Variants in FBN3 observed in about 807,000 individuals in gnomAD.
FBN3 encodes fibrillin-3.
Under a neutral mutation model 330.1 loss-of-function variants are expected in FBN3, and 234 were observed. That is an observed-to-expected ratio of 0.71 (90% CI 0.64 to 0.79). The LOEUF (loss-of-function observed/expected upper bound fraction) is 0.79. Among genes scored for constraint, FBN3 ranks in the 30% least tolerant of loss-of-function variants. The pLI is 0.00. For missense variants in FBN3, 3,606 were observed against 3,886.9 expected (o/e 0.93, Z 1.92); for synonymous variants, 1,458 against 1,517.3 (o/e 0.96, Z 0.91).
chr19:8,131,367 C>T lies in FBN3; in HGVS notation c.1991-79G>A. 6.5e-7 allele frequency: 1 copy of T among 1,539,486 alleles called. No individual in the cohort carries two copies. Among genetic ancestry groups the T allele is most frequent in the South Asian group, 1.1e-5 (1 of 87,046 alleles). ...ATTCAGCCACAGGCAAGGATGAGGC[C>T]CTCTGGTCTTGGGCAAGAGTTTGGG... On this transcript the variant is annotated intron_variant, in intron 15 of 63. Transcript: ENST00000600128. This position sits in a 1 kb window ranked among gnomAD's most constrained non-coding sequence, Gnocchi z 4.5.
intron 26 of FBN3, 53 bp downstream of exon 26, chr19:8,118,844 C>T: frequency 6.3e-7 from 1 of 1,577,754 alleles, no homozygotes; most frequent in Non-Finnish European, 8.7e-7. Context: ...CATCCACTCA[C>T]TTTCACACAC....
chr19:8,109,153 G>T lies in FBN3; in HGVS notation c.4618+74C>A. The T allele has an allele frequency of 6.9e-7, 1 of 1,459,348 alleles. No homozygotes were observed. The highest frequency in any genetic ancestry group is 1.9e-5 in the Admixed American group (1 of 52,322). 90.4% of individuals were successfully genotyped at this position (1,459,348 alleles called of 1,614,324 possible). ...CCTAAGCCCCCCACCACCGCCATTAGCAGAGGTGACCCCCTAAGCTCCCGG... is the reference window on the plus strand; with the variant it reads ...CCTAAGCCCCCCACCACCGCCATTATCAGAGGTGACCCCCTAAGCTCCCGG... On this transcript the variant is annotated intron_variant, in intron 36 of 63. Transcript: ENST00000600128. This position sits in a 1 kb window ranked among gnomAD's most constrained non-coding sequence, Gnocchi z 5.2.
chr19:8,126,967 C>T (rs1389765283), intron 18 of FBN3, 135 bp from the exon 19 acceptor site: 1 of 968,560 alleles, frequency 1.0e-6, no homozygotes, highest in Non-Finnish European at 1.5e-6. Context: ...GCAGAGGGCA[C>T]TGGAATCAAA....
At chr19:8,113,052 G>T (rs549382106) in intron 30 of FBN3, among the ~76,000 whole-genome samples, 1 of 152,352 alleles carries the variant, frequency 6.6e-6, no homozygotes, top group African/African-American at 2.4e-5. Context: ...TGGAAACAGG[G>T]TCTTCGTAGA....
chr19:8,089,731 C>T (rs2082050233), intron 50 of FBN3, 61 bp from the exon 51 acceptor site: 7 of 1,600,698 alleles, frequency 4.4e-6, no homozygotes, highest in Admixed American at 1.7e-5. Flanking sequence ...AGAGCCCTGG[C>T]CACACTCAAG....
intron 53 of FBN3, 74 bp from the exon 54 acceptor site, chr19:8,087,285 G>C: frequency 6.8e-7 from 1 of 1,469,464 alleles, no homozygotes; most frequent in East Asian, 2.4e-5. Flanking sequence ...ATTCCACCCT[G>C]CGTCAGCCCT....
chr19:8,124,559 A>G (rs558606814), intron 22 of FBN3, among the ~76,000 whole-genome samples: 43 of 127,390 alleles, frequency 3.4e-4, no homozygotes, highest in African/African-American at 1.2e-3. Context: ...TTTTTTTTAG[A>G]CGGAGTCTTG....
chr19:8,076,712 GCCA>G (rs1568357897), intron 59 of FBN3, among the ~76,000 whole-genome samples: 1 of 151,946 alleles, frequency 6.6e-6, no homozygotes, highest in Non-Finnish European at 1.5e-5. Flanking sequence ...ATTTTAAATG[GCCA>G]CCACATCTTC....
At chr19:8,099,625 G>C (rs1239721692) in intron 41 of FBN3, among the ~76,000 whole-genome samples, 1 of 151,954 alleles carries the variant, frequency 6.6e-6, no homozygotes, top group Non-Finnish European at 1.5e-5. Context: ...ATATTCAGAG[G>C]ATTAAAACAA....
At chr19:8,128,985 C>T (rs571836856) in intron 18 of FBN3, 43 bp downstream of exon 18, 17 of 1,583,174 alleles carry the variant, frequency 1.1e-5, no homozygotes, top group Admixed American at 3.5e-5. Context: ...TATGTTGGAG[C>T]ATATGTGTGT....
intron 36 of FBN3, among the ~76,000 whole-genome samples, chr19:8,108,569 G>A (rs1007546242): frequency 8.5e-5 from 13 of 152,188 alleles, no homozygotes. Context: ...CCATATCCTA[G>A]TGTAACTGCA....
At position 8,065,583 on chromosome 19, in the gene FBN3, G is replaced by A. The variant is rs542668312; in HGVS notation, c.*336C>T. 3.2e-5 allele frequency: 9 copies of A among 279,072 alleles called. No individual in the cohort carries two copies. The highest frequency in any genetic ancestry group is 5.3e-5 in the Non-Finnish European group (8 of 150,342). The allele number at this position is 279,072 out of a possible 1,614,324, so 17.3% of individuals were successfully genotyped here. On this transcript the variant is annotated 3_prime_UTR_variant, in exon 64 of 64. Coordinates refer to ENST00000600128, the MANE Select transcript of FBN3 (RefSeq NM_032447.5). ...ATGTCCTGCCAACCCCCTGCCCCCC[G>A]CCAGGGCAAGCCACAGTGCAGTACA...
rs2081987007 is a variant in FBN3, at chr19:8,087,331, A to G, written c.6620-120T>C. The G allele has an allele frequency of 2.7e-6, 3 of 1,121,976 alleles. 1 individual carries two copies. In the South Asian group the frequency reaches 5.1e-5, roughly 19 times the overall value. 69.5% of individuals were successfully genotyped at this position (1,121,976 alleles called of 1,614,324 possible). On this transcript the variant is annotated intron_variant, in intron 53 of 63. Coordinates refer to ENST00000600128, the MANE Select transcript of FBN3 (RefSeq NM_032447.5). The stretch of plus-strand genomic sequence containing the variant: ...AGTGAGTTCCCTGCAGACCCTGTCA[A>G]ATGTCTATCCCTCTTAGGAAGGGAG...
At chr19:8,093,828 C>G (rs1471672198) in intron 47 of FBN3, among the ~76,000 whole-genome samples, 1 of 152,134 alleles carries the variant, frequency 6.6e-6, no homozygotes, top group African/African-American at 2.4e-5. Context: ...CAGAAGAGCC[C>G]AGGCCAGACT....
In FBN3 at chr19:8,129,003, C is replaced by A; in HGVS notation, c.2296+25G>T. On this transcript the variant is annotated intron_variant, in intron 18 of 63. Transcript: ENST00000600128. The surrounding 1 kb of genome is among the most constrained non-coding windows in gnomAD (Gnocchi z 4.5). ...GTTGGAGCATATGTGTGTGTGCAAA[C>A]CCACGTGAGCCCGGGACCCAGTACC... is the stretch of plus-strand genomic sequence containing the variant. 1 of 1,600,726 alleles carries A rather than the reference C, an allele frequency of 6.2e-7. No homozygotes were observed. Among genetic ancestry groups the A allele is most frequent in the South Asian group, 1.1e-5 (1 of 88,888 alleles).
At chr19:8,144,824 C>CAGGGACTT in intron 6 of FBN3, 53 bp downstream of exon 6, 1 of 1,433,498 alleles carries the variant, frequency 7.0e-7, no homozygotes, top group Non-Finnish European at 9.6e-7. Context: ...CCAGGAAACC[C>CAGGGACTT]CCTTTCCTCC....
rs1244757476 is a variant in FBN3 at position 8,106,142 on chromosome 19, G to T, written c.4779C>A (p.Gly1593=). 6.2e-7 allele frequency: 1 copy of T among 1,614,170 alleles called. No homozygotes were observed. The highest frequency in any genetic ancestry group is 1.7e-5 in the Admixed American group (1 of 60,026). Reference sequence around the variant, plus strand: ...TGCGGGTGTGCTCACTGAGGTGGTAGCCAGGTGGGCACTCACACTGGAAAC... The same window carrying T: ...TGCGGGTGTGCTCACTGAGGTGGTATCCAGGTGGGCACTCACACTGGAAAC... ...FGSFQCECPP[G]YHLSEHTRIC... Residue 1593 remains glycine (G), a synonymous_variant, in exon 38 of 64, where the codon GGC becomes GGA. Transcript: ENST00000600128.
At chr19:8,066,587 CAA>C (rs970485925) in intron 63 of FBN3, among the ~76,000 whole-genome samples, 1 of 151,986 alleles carries the variant, frequency 6.6e-6, no homozygotes, top group Non-Finnish European at 1.5e-5. Context: ...GGGAGGGAGA[CAA>C]GAGTTGGGAG....
intron 23 of FBN3, 43 bp from the exon 24 acceptor site, chr19:8,123,632 C>A (rs1349727596): frequency 6.2e-7 from 1 of 1,610,672 alleles, no homozygotes; most frequent in Non-Finnish European, 8.5e-7. Flanking sequence ...TCCCCAAGCT[C>A]AGGATCCATA....
Sources: allele counts gnomAD v4.1 joint callset (sites outside exome capture counted in the v4.1 genomes callset), GRCh38; gene constraint gnomAD v4.1.1; non-coding constraint Gnocchi (gnomAD v3.1); transcripts MANE v1.5; gene names NCBI Gene and HGNC (gene_info 2026-07-23, HGNC 2026-07-21).